Variants in FSIP2 observed in about 807,000 individuals in gnomAD.
The protein encoded by FSIP2 is fibrous sheath interacting protein 2, also known as fibrous sheath-interacting protein 2.
A neutral mutation model predicts 510.5 loss-of-function variants in FSIP2; 367 were observed. The ratio of observed to expected loss-of-function variants is 0.72; its 90% confidence interval spans 0.66 to 0.78. FSIP2 has a LOEUF of 0.78. Ranked by LOEUF, FSIP2 falls within the 30% of genes least tolerant of loss-of-function variation. The probability of loss-of-function intolerance (pLI) is 0.00; values close to 1 mark genes in which losing one functional copy is unlikely to be tolerated. For missense variants in FSIP2, 7,594 were observed against 7,901.7 expected, an observed-to-expected ratio of 0.96 and a Z score of 1.48; for synonymous variants, 2,601 against 2,732.2, an observed-to-expected ratio of 0.95 and a Z score of 1.50.
At chr2:185,749,557 A>G (rs2105538140) in intron 7 of FSIP2, among the ~76,000 whole-genome samples, 1 of 151,924 alleles carries the variant, frequency 6.6e-6, no homozygotes, top group East Asian at 1.9e-4. Context: ...ATGCCAATTA[A>G]TAGTTTACAT....
Position 185,797,133 on chromosome 2 carries a change from A to G in FSIP2, c.9997A>G (p.Ile3333Val). 1.5e-5 allele frequency: 23 copies of G among 1,535,048 alleles called. No individual in the cohort carries two copies. Among genetic ancestry groups the G allele is most frequent in the East Asian group, 2.4e-5 (1 of 40,850 alleles). ...CAAAATATGTTTAGCTGCAGAAAAT[A>G]TTGTCAATACTGTGCTATCCAGCTG... ...PLKICLAAEN[I>V]VNTVLSSCGF... Residue 3333 changes from isoleucine to valine, a missense_variant, in exon 16 of 23, where the codon ATT becomes GTT. Physicochemically the swap from Ile to Val is conservative, Grantham distance 29. Coordinates refer to ENST00000424728, the MANE Select transcript of FSIP2 (RefSeq NM_173651.4).
Position 185,795,404 on chromosome 2 carries a change from G to A in FSIP2, c.8268G>A (p.Lys2756=), listed in dbSNP as rs1030830857. 6.5e-7 allele frequency: 1 copy of A among 1,534,686 alleles called. No individual in the cohort carries two copies. Among genetic ancestry groups the A allele is most frequent in the African/African-American group, 1.4e-5 (1 of 72,886 alleles). ...ILETIVKEFG[K]VKQTKALPSD... is the part of the protein sequence containing the mutation. The stretch of plus-strand genomic sequence containing the variant: ...AAACAATTGTGAAGGAATTTGGAAA[G>A]GTAAAGCAAACCAAAGCTTTACCAT... The change falls in exon 16 of 23, where the codon AAG becomes AAA. Residue 2756 remains lysine (K), a synonymous_variant. Transcript: ENST00000424728.
At position 185,794,611 on chromosome 2, in the gene FSIP2, A is replaced by G. The variant is rs1479952494; in HGVS notation, c.7475A>G (p.Asn2492Ser). ...CTCATTGCAGTGGAAGAACTTTTGA[A>G]TAAGTTGTATCAAAGAGTAAGGGAA... ...ELLIAVEELL[N>S]KLYQRVREVT... is the part of the protein sequence containing the mutation. The change falls in exon 16 of 23, where the codon AAT becomes AGT. Residue 2492 changes from asparagine to serine, a missense_variant. Coordinates refer to ENST00000424728, the MANE Select transcript of FSIP2 (RefSeq NM_173651.4). 3.3e-6 allele frequency: 5 copies of G among 1,532,178 alleles called. No homozygotes were observed. The highest frequency in any genetic ancestry group is 3.5e-6 in the Non-Finnish European group (4 of 1,145,120). The allele number at this position is 1,532,178 out of a possible 1,614,324, so 94.9% of individuals were successfully genotyped here.
chr2:185,829,010 T>G (rs962777032), intron 21 of FSIP2, among the ~76,000 whole-genome samples: 7 of 151,930 alleles, frequency 4.6e-5, no homozygotes, highest in Admixed American at 1.3e-4. Context: ...CCACTCAACC[T>G]AATCCTCATT....
At chr2:185,761,409 C>A (rs1692347537) in intron 10 of FSIP2, among the ~76,000 whole-genome samples, 2 of 150,802 alleles carry the variant, frequency 1.3e-5, no homozygotes, top group Non-Finnish European at 3.0e-5. Context: ...TGAAGGAAAA[C>A]AATAATTGGG....
At chr2:185,811,168 T>TA (rs1559037472) in intron 17 of FSIP2, among the ~76,000 whole-genome samples, 1 of 152,018 alleles carries the variant, frequency 6.6e-6, no homozygotes, top group South Asian at 2.1e-4. Flanking sequence ...AAGCAGAGCA[T>TA]AAAAGTTTGG....
rs554163710 is a variant in FSIP2 at position 185,739,132 on chromosome 2, G to A, written c.99+139G>A. 1.1e-4 allele frequency: 135 copies of A among 1,214,274 alleles called. No homozygotes were observed. The East Asian group carries it at 3.5e-3, about 32-fold the overall frequency. The allele number at this position is 1,214,274 out of a possible 1,614,324, so 75.2% of individuals were successfully genotyped here. Reference sequence around the variant, plus strand: ...AGGCTGCCCTCTTGCGGCGCCCGGGGGCGGTGGCGGTGGCTCGGACTGTAC... The same window carrying A: ...AGGCTGCCCTCTTGCGGCGCCCGGGAGCGGTGGCGGTGGCTCGGACTGTAC... On this transcript the variant is annotated intron_variant, in intron 1 of 22. Coordinates refer to ENST00000424728, the MANE Select transcript of FSIP2 (RefSeq NM_173651.4).
At chr2:185,817,927 T>C (rs759487060) in intron 19 of FSIP2, among the ~76,000 whole-genome samples, 2 of 151,962 alleles carry the variant, frequency 1.3e-5, no homozygotes, top group African/African-American at 2.4e-5. Context: ...TGGTAGCATA[T>C]TAGGGCAACT....
rs749380619 is a variant in FSIP2 at position 185,806,753 on chromosome 2, G to C, written c.17447G>C (p.Ser5816Thr). 8 of 1,611,894 alleles carry C rather than the reference G, an allele frequency of 5.0e-6. No homozygotes were observed. The South Asian group carries it at 8.8e-5, about 18-fold the overall frequency. The change falls in exon 17 of 23, where the codon AGT (serine) becomes ACT (threonine). Residue 5816 changes from serine (S) to threonine (T), a missense_variant. Physicochemically the swap from Ser to Thr is moderately conservative, Grantham distance 58. Coordinates refer to ENST00000424728, the MANE Select transcript of FSIP2 (RefSeq NM_173651.4). ...ATACAAGATAGATGTCAAAATGTTAGTGATAAGCAAAATCAAGCCAAACTC... is the reference window on the plus strand; with the variant it reads ...ATACAAGATAGATGTCAAAATGTTACTGATAAGCAAAATCAAGCCAAACTC... Reference protein sequence around the residue: ...TQIQDRCQNVSDKQNQAKLYD... With the variant: ...TQIQDRCQNVTDKQNQAKLYD...
At chr2:185,822,682 AT>A (rs959088049) in intron 19 of FSIP2, among the ~76,000 whole-genome samples, 17 of 151,036 alleles carry the variant, frequency 1.1e-4, no homozygotes, top group East Asian at 5.9e-4. Context: ...AATACCAATA[AT>A]TTTTTTTTGC....
intron 17 of FSIP2, among the ~76,000 whole-genome samples, chr2:185,812,747 TTTAAAAAATTTTAAAGA>T (rs1224640332): frequency 6.6e-6 from 1 of 152,112 alleles, no homozygotes; most frequent in Non-Finnish European, 1.5e-5. Flanking sequence ...AAAATTTATT[TTTAAAAAATTTTAAAGA>T]GGTTCTTCTG....
intron 13 of FSIP2, among the ~76,000 whole-genome samples, chr2:185,771,718 G>T (rs942315894): frequency 1.3e-5 from 2 of 152,062 alleles, no homozygotes; most frequent in African/African-American, 4.8e-5. Flanking sequence ...TTAACACTTG[G>T]CCCCCTTTTA....
intron 13 of FSIP2, among the ~76,000 whole-genome samples, chr2:185,771,649 G>A (rs1692610667): frequency 6.6e-6 from 1 of 152,122 alleles, no homozygotes; most frequent in South Asian, 2.1e-4. Flanking sequence ...GTGATGGGAG[G>A]GGCTTTCCCA....
intron 19 of FSIP2, among the ~76,000 whole-genome samples, chr2:185,817,639 G>A (rs1373368314): frequency 4.0e-5 from 6 of 151,890 alleles, no homozygotes; most frequent in Non-Finnish European, 8.8e-5. Flanking sequence ...GGAAGAGGTG[G>A]CTTCTTTATT....
At chr2:185,762,688 T>C (rs1692380831) in intron 11 of FSIP2, among the ~76,000 whole-genome samples, 1 of 151,416 alleles carries the variant, frequency 6.6e-6, no homozygotes, top group African/African-American at 2.4e-5. Context: ...TGATCTTCAC[T>C]TTTTTCCATT....
rs1693053566 is a variant in FSIP2 at position 185,788,994 on chromosome 2, C to A, written c.1858C>A (p.Gln620Lys). 6.5e-7 allele frequency: 1 copy of A among 1,533,996 alleles called. No homozygotes were observed. ...VVGKTCHIKGQSIISKHKYNK... is the reference protein window; with the variant it reads ...VVGKTCHIKGKSIISKHKYNK... The stretch of plus-strand genomic sequence containing the variant: ...GGGGAAAACATGTCACATAAAAGGA[C>A]AATCTATAATCTCTAAACATAAATA... Residue 620 changes from glutamine to lysine, a missense_variant, in exon 16 of 23, where the codon CAA becomes AAA. Gln to Lys is a moderately conservative substitution (Grantham distance 53). Transcript: ENST00000424728.
chr2:185,778,272 T>C (rs1432704006), intron 13 of FSIP2, among the ~76,000 whole-genome samples: 2 of 152,002 alleles, frequency 1.3e-5, no homozygotes, highest in African/African-American at 2.4e-5. Flanking sequence ...ATTTAATGTC[T>C]CTGTTCTTTA....
At position 185,793,425 on chromosome 2, in the gene FSIP2, A is replaced by G; in HGVS notation, c.6289A>G (p.Ile2097Val). Residue 2097 changes from isoleucine (I) to valine (V), a missense_variant, in exon 16 of 23, where the codon ATC (isoleucine) becomes GTC (valine). Physicochemically the swap from Ile to Val is conservative, Grantham distance 29. Coordinates refer to ENST00000424728, the MANE Select transcript of FSIP2 (RefSeq NM_173651.4). ...TCAAATACAAGATACCATTGAAGGT[A>G]TCCTATGTGATATTTATGAAAAAAC... is the stretch of plus-strand genomic sequence containing the variant. The part of the protein sequence containing the change: ...QLQIQDTIEG[I>V]LCDIYEKTLF... The G allele has an allele frequency of 6.5e-7, 1 of 1,534,058 alleles. No individual in the cohort carries two copies. Among genetic ancestry groups the G allele is most frequent in the Non-Finnish European group, 8.7e-7 (1 of 1,145,410 alleles).
In FSIP2 at chr2:185,804,107, C is replaced by T. The variant is rs1222205939; in HGVS notation, c.14801C>T (p.Pro4934Leu). ...ACTTATAAATTGAAAGCAATAGATC[C>T]TAAACAAAGAGAATTATCTTTTATT... is the stretch of plus-strand genomic sequence containing the variant. ...DQTYKLKAID[P>L]KQRELSFIVN... The change falls in exon 17 of 23, where the codon CCT (proline) becomes CTT (leucine). Residue 4934 changes from proline (P) to leucine (L), a missense_variant. By Grantham distance (98) the Pro-to-Leu change is moderately conservative (BLOSUM62 -3). Coordinates refer to ENST00000424728, the MANE Select transcript of FSIP2 (RefSeq NM_173651.4). 2.0e-6 allele frequency: 3 copies of T among 1,526,274 alleles called. No individual in the cohort carries two copies. The highest frequency in any genetic ancestry group is 4.9e-5 in the East Asian group (2 of 40,664). 94.5% of individuals were successfully genotyped at this position (1,526,274 alleles called of 1,614,324 possible).
Sources: gnomAD v4.1 joint callset for allele counts (sites outside exome capture counted in the v4.1 genomes callset) on GRCh38, gnomAD v4.1.1 for gene constraint, MANE v1.5 for transcripts, NCBI Gene and HGNC (gene_info 2026-07-23, HGNC 2026-07-21) for gene names.